WWOX: variants seen among roughly 807,000 people sequenced by gnomAD.
The protein encoded by WWOX is WW domain containing oxidoreductase.
A neutral mutation model predicts 46.2 loss-of-function variants in WWOX; 69 were observed. That is an observed-to-expected ratio of 1.49 (90% CI 1.23 to 1.82). The LOEUF (loss-of-function observed/expected upper bound fraction) is 1.82. WWOX is among the 40% of genes most tolerant of loss of function. WWOX has a pLI of 0.00. For synonymous variants in WWOX, 359 were observed against 202.6 expected, an observed-to-expected ratio of 1.77 and a Z score of -6.56; for missense variants, 919 against 542.6, an observed-to-expected ratio of 1.69 and a Z score of -6.89.
intron 8 of WWOX, among the ~76,000 whole-genome samples, chr16:78,518,339 C>T (rs1196083866): frequency 6.6e-6 from 1 of 152,108 alleles, no homozygotes; most frequent in African/African-American, 2.4e-5. Context: ...TCAAGTGATT[C>T]TCCTGCCTCA....
chr16:78,970,537 A>G (rs988011694), intron 8 of WWOX, among the ~76,000 whole-genome samples: 13 of 152,236 alleles, frequency 8.5e-5, no homozygotes, highest in Non-Finnish European at 1.9e-4. Context: ...TAGGCTTTGA[A>G]CAATGTATAG....
intron 8 of WWOX, among the ~76,000 whole-genome samples, chr16:78,486,819 G>T (rs1049597298): frequency 6.6e-6 from 1 of 152,150 alleles, no homozygotes; most frequent in Non-Finnish European, 1.5e-5. Flanking sequence ...TGATCCACTC[G>T]CCTCGGCCTC....
intron 8 of WWOX, among the ~76,000 whole-genome samples, chr16:78,760,824 A>G (rs551349629): frequency 1.3e-5 from 2 of 152,316 alleles, no homozygotes; most frequent in South Asian, 2.1e-4. Context: ...TGCAATTTAC[A>G]AAAGAAAGAG....
chr16:78,780,474 A>G (rs2050297309), intron 8 of WWOX: 1 of 152,252 alleles, frequency 6.6e-6, no homozygotes, highest in Non-Finnish European at 1.5e-5. Context: ...CTGACTTAAC[A>G]GGACTTCCGT....
chr16:78,295,157 A>G (rs1304158444), intron 5 of WWOX, among the ~76,000 whole-genome samples: 2 of 152,074 alleles, frequency 1.3e-5, no homozygotes, highest in African/African-American at 2.4e-5. Context: ...AGTACCTCTC[A>G]TTTATTTTGA....
At chr16:78,502,303 A>C (rs1326430431) in intron 8 of WWOX, among the ~76,000 whole-genome samples, 2 of 152,200 alleles carry the variant, frequency 1.3e-5, no homozygotes, top group African/African-American at 4.8e-5. Flanking sequence ...CATTTTCATT[A>C]ACCCAAGAAA....
chr16:78,956,872 G>T (rs1274962811), intron 8 of WWOX, among the ~76,000 whole-genome samples: 1 of 152,248 alleles, frequency 6.6e-6, no homozygotes, highest in East Asian at 1.9e-4. Context: ...CAAACATGTA[G>T]GCTTGAGCCA....
intron 8 of WWOX, among the ~76,000 whole-genome samples, chr16:79,140,875 C>A (rs983089796): frequency 9.2e-5 from 14 of 152,302 alleles, no homozygotes; most frequent in Admixed American, 9.1e-4. Flanking sequence ...CAGTTTCACA[C>A]CTCTGTTCTG....
At chr16:78,523,546 T>C (rs928651081) in intron 8 of WWOX, among the ~76,000 whole-genome samples, 1 of 152,222 alleles carries the variant, frequency 6.6e-6, no homozygotes, top group African/African-American at 2.4e-5. Context: ...ATCTGGGTGA[T>C]GGTGTTTTAG....
intron 8 of WWOX, among the ~76,000 whole-genome samples, chr16:79,159,778 C>A (rs991816739): frequency 6.6e-6 from 1 of 152,152 alleles, no homozygotes; most frequent in African/African-American, 2.4e-5. Flanking sequence ...TTGTGGAGTG[C>A]GAATTCTCCT....
At chr16:79,184,587 C>A (rs1420906884) in intron 8 of WWOX, among the ~76,000 whole-genome samples, 3 of 152,238 alleles carry the variant, frequency 2.0e-5, no homozygotes, top group Non-Finnish European at 4.4e-5. Flanking sequence ...ACTCTCCAAG[C>A]TCCAGCCCTG....
At chr16:78,765,941 A>C (rs955564310) in intron 8 of WWOX, among the ~76,000 whole-genome samples, 1 of 152,188 alleles carries the variant, frequency 6.6e-6, no homozygotes, top group African/African-American at 2.4e-5. Context: ...AGGGGTGATC[A>C]GGGATCCCAG....
At chr16:78,962,446 C>T (rs374743623) in intron 8 of WWOX, among the ~76,000 whole-genome samples, 96 of 151,156 alleles carry the variant, frequency 6.4e-4, no homozygotes, top group Middle Eastern at 3.5e-3. Context: ...GTAGGCCAAG[C>T]TTACTCTCAG....
chr16:79,045,986 G>C (rs12922025), intron 8 of WWOX, among the ~76,000 whole-genome samples: 2 of 151,658 alleles, frequency 1.3e-5, no homozygotes, highest in South Asian at 2.1e-4. Context: ...ATTTTTAGTA[G>C]AGACGGGCTT....
At chr16:78,258,866 T>G (rs2038203434) in intron 5 of WWOX, among the ~76,000 whole-genome samples, 1 of 152,150 alleles carries the variant, frequency 6.6e-6, no homozygotes, top group African/African-American at 2.4e-5. Flanking sequence ...ACATAACGAC[T>G]TGCCTCATTA....
intron 8 of WWOX, among the ~76,000 whole-genome samples, chr16:78,678,780 T>G (rs531506525): frequency 1.6e-4 from 25 of 152,270 alleles, no homozygotes; most frequent in African/African-American, 6.0e-4. Context: ...TTCTTGTGCG[T>G]GGCCTGGGGT....
chr16:78,326,587 C>CCG (rs1555520198), intron 5 of WWOX, among the ~76,000 whole-genome samples: 1 of 106,228 alleles, frequency 9.4e-6, no homozygotes, highest in African/African-American at 4.0e-5. Context: ...GCCCCCCCCC[C>CCG]CCGCAATGCC....
intron 8 of WWOX, among the ~76,000 whole-genome samples, chr16:78,875,431 C>G (rs1400648580): frequency 9.2e-5 from 14 of 152,116 alleles, no homozygotes; most frequent in Admixed American, 9.2e-4. Context: ...GTCTGATCTG[C>G]CTGGCTAGAA....
chr16:78,271,955 G>A (rs2079484898), intron 5 of WWOX, among the ~76,000 whole-genome samples: 1 of 152,282 alleles, frequency 6.6e-6, no homozygotes, highest in South Asian at 2.1e-4. Context: ...TCAGGCAGAT[G>A]GAGGTTCTAA....
Sources: allele counts gnomAD v4.1 joint callset (sites outside exome capture counted in the v4.1 genomes callset), GRCh38; gene constraint gnomAD v4.1.1; transcripts MANE v1.5; gene names NCBI Gene and HGNC (gene_info 2026-07-23, HGNC 2026-07-21).